Variants in IL1RAPL1 observed in about 807,000 individuals in gnomAD.
IL1RAPL1 encodes the protein interleukin 1 receptor accessory protein like 1.
In IL1RAPL1, 3 loss-of-function variants were observed where a neutral mutation model predicts 48.4. The observed-to-expected ratio is 0.06, with a 90% CI of 0.03 to 0.16. The LOEUF is 0.16. Ranked by LOEUF, IL1RAPL1 falls within the 10% of genes least tolerant of loss-of-function variation. The probability of loss-of-function intolerance (pLI) is 1.00; values close to 1 mark genes in which losing one functional copy is unlikely to be tolerated. For missense variants in IL1RAPL1, 349 were observed against 530.6 expected (o/e 0.66, Z 3.36); for synonymous variants, 185 against 187.7 (o/e 0.99, Z 0.12).
chrX:28,607,287 A>G (rs1375384195), intron 1 of IL1RAPL1, among the ~76,000 whole-genome samples: 1 of 111,046 alleles, frequency 9.0e-6, no homozygotes, highest in Admixed American at 9.8e-5. Flanking sequence ...AGAGGCTTAC[A>G]TTACATTTGG....
intron 5 of IL1RAPL1, among the ~76,000 whole-genome samples, chrX:29,667,636 A>C (rs1926034606): frequency 8.9e-6 from 1 of 112,015 alleles, no homozygotes; most frequent in Non-Finnish European, 1.9e-5. Context: ...AGTCTAGTTT[A>C]GCTAGGAATG....
At chrX:29,034,561 T>TA (rs1926688540) in intron 2 of IL1RAPL1, among the ~76,000 whole-genome samples, 1 of 112,229 alleles carries the variant, frequency 8.9e-6, no homozygotes, top group Admixed American at 9.5e-5. Flanking sequence ...TTTTATCAAG[T>TA]GCTTTCAATA....
intron 3 of IL1RAPL1, among the ~76,000 whole-genome samples, chrX:29,335,217 C>T (rs868434849): frequency 3.0e-5 from 3 of 99,522 alleles, no homozygotes; most frequent in Non-Finnish European, 6.1e-5. Context: ...GCAGCAGTAC[C>T]GTCCAGCTTT....
rs1936692543 is a variant in IL1RAPL1, at chrX:28,803,022, T to C, written c.82+13597T>C. 2.7e-5 allele frequency among the ~76,000 whole-genome samples: 3 copies of C among 111,620 alleles called. No homozygotes were observed. The South Asian group carries it at 1.1e-3, about 41-fold the overall frequency. The stretch of plus-strand genomic sequence containing the variant: ...TATATTTCTCCTATATTTTGCTACA[T>C]TTTTATAATAGAAATGTTCATTGAG... On this transcript the variant is annotated intron_variant, in intron 2 of 10. Coordinates refer to ENST00000378993, the MANE Select transcript of IL1RAPL1 (RefSeq NM_014271.4).
intron 3 of IL1RAPL1, among the ~76,000 whole-genome samples, chrX:29,392,272 T>C (rs1214422350): frequency 8.9e-6 from 1 of 112,507 alleles, no homozygotes; most frequent in Non-Finnish European, 1.9e-5. Context: ...TTACCATAAG[T>C]CCTGTAGGAG....
intron 5 of IL1RAPL1, among the ~76,000 whole-genome samples, chrX:29,485,013 T>C (rs770677203): frequency 1.8e-5 from 2 of 111,780 alleles, no homozygotes; most frequent in Non-Finnish European, 3.8e-5. Context: ...TAAAAACCAT[T>C]GTGTAAGCGT....
intron 6 of IL1RAPL1, among the ~76,000 whole-genome samples, chrX:29,856,868 A>T (rs757464078): frequency 8.9e-6 from 1 of 112,203 alleles, no homozygotes; most frequent in African/African-American, 3.2e-5. Flanking sequence ...ATTAGTCTGT[A>T]TAATTCTTCT....
chrX:28,930,663 A>T (rs777130997), intron 2 of IL1RAPL1, among the ~76,000 whole-genome samples: 1 of 111,573 alleles, frequency 9.0e-6, no homozygotes, highest in East Asian at 2.8e-4. Flanking sequence ...TTTTTTTGAG[A>T]CGGAGTCTCA....
chrX:29,282,460 C>T (rs1178165129), intron 2 of IL1RAPL1, among the ~76,000 whole-genome samples: 3 of 112,049 alleles, frequency 2.7e-5, no homozygotes, highest in Admixed American at 9.5e-5. Flanking sequence ...ACTGTAGGAG[C>T]CAGGTGCTGA....
intron 2 of IL1RAPL1, among the ~76,000 whole-genome samples, chrX:29,096,729 G>A (rs1042570537): frequency 1.4e-4 from 16 of 110,398 alleles, no homozygotes; most frequent in African/African-American, 5.2e-4. Context: ...TTTAATATAT[G>A]TATGAAGAAA....
At chrX:29,266,241 A>C (rs1410892121) in intron 2 of IL1RAPL1, among the ~76,000 whole-genome samples, 1 of 112,450 alleles carries the variant, frequency 8.9e-6, no homozygotes, top group Non-Finnish European at 1.9e-5. Flanking sequence ...GATAGACTGG[A>C]TTAAGAAAAT....
intron 2 of IL1RAPL1, among the ~76,000 whole-genome samples, chrX:29,248,830 T>C (rs1165048829): frequency 8.9e-6 from 1 of 111,991 alleles, no homozygotes; most frequent in Non-Finnish European, 1.9e-5. Flanking sequence ...TGCCATCTCA[T>C]GCTCATTCAT....
intron 2 of IL1RAPL1, among the ~76,000 whole-genome samples, chrX:28,992,867 A>G (rs780625435): frequency 8.9e-6 from 1 of 112,274 alleles, no homozygotes; most frequent in Non-Finnish European, 1.9e-5. Context: ...AGAGCCAACC[A>G]TGCTAACATG....
Position 29,509,396 on chromosome X carries a change from G to T in IL1RAPL1, c.703+110088G>T, listed in dbSNP as rs573117720. 1.2e-4 allele frequency among the ~76,000 whole-genome samples: 14 copies of T among 112,236 alleles called. No homozygotes were observed. In the East Asian group the frequency reaches 2.0e-3, roughly 16 times the overall value. On this transcript the variant is annotated intron_variant, in intron 5 of 10. Transcript: ENST00000378993. Reference sequence around the variant, plus strand: ...TCAGCAGCACCTAGATTAGTGTTTGGTTGAATTAATGGGATTGTAGCCTAG... The same window carrying T: ...TCAGCAGCACCTAGATTAGTGTTTGTTTGAATTAATGGGATTGTAGCCTAG...
chrX:29,031,050 G>C (rs1926607786), intron 2 of IL1RAPL1, among the ~76,000 whole-genome samples: 1 of 111,300 alleles, frequency 9.0e-6, no homozygotes, highest in East Asian at 2.8e-4. Context: ...TCCTTTTTGA[G>C]CTCATAGAAT....
In IL1RAPL1 at chrX:29,018,882, C is replaced by G. The variant is rs528329132; in HGVS notation, c.82+229457C>G. Among the ~76,000 whole-genome samples the G allele has an allele frequency of 8.9e-5, 10 of 111,924 alleles. No homozygotes were observed. In the South Asian group the frequency reaches 3.7e-3, roughly 42 times the overall value. ...GGGAGGAGTTGGAGATGGAGAATGA[C>G]TGCTAATGGGTATAAGATTTCTGTA... On this transcript the variant is annotated intron_variant, in intron 2 of 10. Transcript: ENST00000378993.
intron 1 of IL1RAPL1, among the ~76,000 whole-genome samples, chrX:28,740,213 A>C (rs1935890913): frequency 8.9e-6 from 1 of 112,078 alleles, no homozygotes; most frequent in South Asian, 3.6e-4. Flanking sequence ...AGAAATTGTC[A>C]ACAGCCTTAT....
At chrX:29,292,190 C>A (rs1932380818) in intron 3 of IL1RAPL1, among the ~76,000 whole-genome samples, 1 of 111,959 alleles carries the variant, frequency 8.9e-6, no homozygotes, top group Admixed American at 9.5e-5. Context: ...GAAAACACTG[C>A]TATAGACAAA....
chrX:29,199,177 G>A (rs944772257), intron 2 of IL1RAPL1, among the ~76,000 whole-genome samples: 3 of 111,670 alleles, frequency 2.7e-5, no homozygotes, highest in Non-Finnish European at 5.6e-5. Context: ...AGATTGTTGT[G>A]AATATCAGAT....
Sources: allele counts gnomAD v4.1 joint callset (sites outside exome capture counted in the v4.1 genomes callset), GRCh38; gene constraint gnomAD v4.1.1; transcripts MANE v1.5; gene names NCBI Gene and HGNC (gene_info 2026-07-23, HGNC 2026-07-21).